Variants in CD1B observed in about 807,000 individuals in gnomAD.
CD1B encodes T-cell surface glycoprotein CD1b.
In CD1B, 43 loss-of-function variants were observed where a neutral mutation model predicts 39.8. The ratio of observed to expected loss-of-function variants is 1.08; its 90% confidence interval spans 0.85 to 1.39. The LOEUF is 1.39. CD1B is among the 40% of genes most tolerant of loss of function. The pLI is 0.00. For missense variants in CD1B, 495 were observed against 403.8 expected (o/e 1.23, Z -1.94); for synonymous variants, 192 against 152.5 (o/e 1.26, Z -1.91).
the CD1B span, among the ~76,000 whole-genome samples, chr1:158,309,812 C>G: frequency 7.2e-6 from 1 of 138,212 alleles, no homozygotes; most frequent in Non-Finnish European, 1.5e-5. Flanking sequence ...AGGGGAATAT[C>G]ACATACCGGG....
Position 158,331,527 on chromosome 1 carries a change from C to A in CD1B, c.-104G>T. ...TGTAGTGACTTCTTCTCTCTTCCAA[C>A]TGCCAAATCTCTTCCTCATCCAAAC... On this transcript the variant is annotated 5_prime_UTR_variant, in exon 1 of 6. Transcript: ENST00000368168. The A allele has an allele frequency of 1.1e-6, 1 of 898,668 alleles. No individual in the cohort carries two copies. Among genetic ancestry groups the A allele is most frequent in the South Asian group, 1.5e-5 (1 of 67,564 alleles). 55.7% of individuals were successfully genotyped at this position (898,668 alleles called of 1,614,324 possible).
the CD1B span, among the ~76,000 whole-genome samples, chr1:158,315,485 C>T: frequency 1.3e-5 from 2 of 151,838 alleles, no homozygotes; most frequent in African/African-American, 2.4e-5. Flanking sequence ...ATGTCCTTTG[C>T]CCACTTTTTG....
the CD1B span, among the ~76,000 whole-genome samples, chr1:158,313,029 C>G: frequency 2.6e-5 from 4 of 152,060 alleles, no homozygotes; most frequent in South Asian, 8.3e-4. Flanking sequence ...TCCTTATATA[C>G]CTAATTTATT....
the CD1B span, among the ~76,000 whole-genome samples, chr1:158,316,561 A>G: frequency 6.6e-6 from 1 of 151,826 alleles, no homozygotes; most frequent in Non-Finnish European, 1.5e-5. Context: ...TTTTGGGCTG[A>G]GACAATGGGG....
chr1:158,301,243 CA>C, the CD1B span, among the ~76,000 whole-genome samples: 14 of 151,986 alleles, frequency 9.2e-5, no homozygotes, highest in Non-Finnish European at 2.1e-4. Context: ...ACTCTTTATC[CA>C]ATTTGTCAGT....
chr1:158,329,249 G>T, intron 4 of CD1B, 121 bp downstream of exon 4: 1 of 1,299,614 alleles, frequency 7.7e-7, no homozygotes, highest in Non-Finnish European at 1.1e-6. Context: ...TGGGGTCAGG[G>T]AAATCAATCA....
chr1:158,293,631 T>A, the CD1B span: 1 of 1,561,024 alleles, frequency 6.4e-7, no homozygotes, highest in Non-Finnish European at 8.7e-7. Context: ...TAATTTGGAA[T>A]GTTTTTCTTG....
At chr1:158,318,441 C>G in the CD1B span, among the ~76,000 whole-genome samples, 2 of 152,104 alleles carry the variant, frequency 1.3e-5, no homozygotes, top group East Asian at 1.9e-4. Flanking sequence ...CTCTTTTGAT[C>G]TTTATTAGTT....
chr1:158,318,309 T>C, the CD1B span, among the ~76,000 whole-genome samples: 11 of 152,214 alleles, frequency 7.2e-5, no homozygotes, highest in Admixed American at 6.5e-4. Flanking sequence ...AGTCTCTTTG[T>C]AGGTCACTCA....
At chr1:158,294,037 C>T in the CD1B span, among the ~76,000 whole-genome samples, 1 of 152,106 alleles carries the variant, frequency 6.6e-6, no homozygotes, top group Non-Finnish European at 1.5e-5. Flanking sequence ...TCCTTTAGCT[C>T]CCTCATTTTC....
chr1:158,288,615 A>G, the CD1B span, among the ~76,000 whole-genome samples: 4 of 152,046 alleles, frequency 2.6e-5, no homozygotes, highest in Admixed American at 1.3e-4. Flanking sequence ...CTGGTCTCAA[A>G]CTCCTGGGCT....
chr1:158,288,458 C>T, the CD1B span, among the ~76,000 whole-genome samples: 3 of 152,222 alleles, frequency 2.0e-5, no homozygotes, highest in African/African-American at 7.2e-5. Flanking sequence ...GTGACATGAA[C>T]ATGGCTCACT....
the CD1B span, among the ~76,000 whole-genome samples, chr1:158,320,616 C>G: frequency 6.6e-6 from 1 of 152,188 alleles, no homozygotes; most frequent in Non-Finnish European, 1.5e-5. Context: ...AATCACCCAT[C>G]TTCTGCGTCA....
chr1:158,291,316 T>A, the CD1B span: 6 of 1,614,182 alleles, frequency 3.7e-6, no homozygotes, highest in Non-Finnish European at 5.1e-6. Flanking sequence ...TGAAGAGTTG[T>A]CAGACCTAGA....
the CD1B span, chr1:158,293,623 A>C: frequency 6.3e-7 from 1 of 1,580,274 alleles, no homozygotes. Context: ...CCAAATTCTA[A>C]TTTGGAATGT....
chr1:158,290,934 A>G, the CD1B span, among the ~76,000 whole-genome samples: 2 of 151,886 alleles, frequency 1.3e-5, no homozygotes, highest in East Asian at 3.9e-4. Context: ...TTGCCATTTG[A>G]GCATACCTCT....
In CD1B at chr1:158,328,262, TA is replaced by T. The variant is rs1441227753; in HGVS notation, c.981-6del. 8 of 1,610,312 alleles carry T rather than the reference TA, an allele frequency of 5.0e-6. No homozygotes were observed. Among genetic ancestry groups the T allele is most frequent in the Non-Finnish European group, 6.8e-6 (8 of 1,177,040 alleles). ...CATGGGATATTCTGATATGACCTGT[TA>T]AAAACAGAAGAACAAAAGAGCTCCA... On this transcript the variant is annotated splice_polypyrimidine_tract_variant and splice_region_variant and intron_variant, in intron 5 of 5. Transcript: ENST00000368168.
chr1:158,314,229 G>T, the CD1B span, among the ~76,000 whole-genome samples: 2 of 151,852 alleles, frequency 1.3e-5, no homozygotes, highest in Non-Finnish European at 2.9e-5. Context: ...GAATTACAGG[G>T]GCCTGCCACC....
At chr1:158,288,062 G>A in the CD1B span, among the ~76,000 whole-genome samples, 134 of 152,334 alleles carry the variant, frequency 8.8e-4, no homozygotes, top group Admixed American at 3.9e-3. Flanking sequence ...GGAAAAAAAT[G>A]TGAATAAACA....
Sources: gnomAD v4.1 joint callset for allele counts (sites outside exome capture counted in the v4.1 genomes callset) on GRCh38, gnomAD v4.1.1 for gene constraint, MANE v1.5 for transcripts, NCBI Gene and HGNC (gene_info 2026-07-23, HGNC 2026-07-21) for gene names.